DMD: variants seen among roughly 807,000 people sequenced by gnomAD.
The protein encoded by DMD is dystrophin, also known as mutant dystrophin.
DMD carries 63 observed loss-of-function variants against 330.1 expected under a neutral mutation model. That is an observed-to-expected ratio of 0.19 (90% CI 0.16 to 0.24). The LOEUF is 0.24. Among genes scored for constraint, DMD ranks in the 10% least tolerant of loss-of-function variants. The pLI is 1.00. For synonymous variants in DMD, 1,223 were observed against 959.8 expected, an observed-to-expected ratio of 1.27 and a Z score of -5.07; for missense variants, 3,344 against 2,684.1, an observed-to-expected ratio of 1.25 and a Z score of -5.43.
At chrX:31,290,466 T>C (rs1201173105) in intron 62 of DMD, among the ~76,000 whole-genome samples, 5 of 111,690 alleles carry the variant, frequency 4.5e-5, no homozygotes, top group African/African-American at 1.6e-4. Flanking sequence ...TGCAAATATT[T>C]TGATTGTTTA....
intron 1 of DMD, chrX:33,085,829 C>A (rs1569553494): frequency 9.0e-6 from 1 of 111,604 alleles, no homozygotes; most frequent in Non-Finnish European, 1.9e-5. Flanking sequence ...ATAGAAACAA[C>A]CATAAAACCC....
intron 1 of DMD, among the ~76,000 whole-genome samples, chrX:33,023,333 CG>C (rs979388180): frequency 1.8e-5 from 2 of 111,220 alleles, no homozygotes; most frequent in Non-Finnish European, 3.8e-5. Flanking sequence ...TAATTGTCTT[CG>C]AAAAAATTAT....
intron 9 of DMD, among the ~76,000 whole-genome samples, chrX:32,686,067 G>A (rs909310410): frequency 1.8e-5 from 2 of 111,645 alleles, no homozygotes; most frequent in African/African-American, 6.5e-5. Flanking sequence ...TTTAACACAT[G>A]TATGACATAA....
intron 1 of DMD, among the ~76,000 whole-genome samples, chrX:33,036,329 CAAG>C (rs886831656): frequency 2.7e-5 from 3 of 111,646 alleles, no homozygotes; most frequent in Non-Finnish European, 5.7e-5. Context: ...TTGCATTGCA[CAAG>C]TAGTTAGACA....
intron 4 of DMD, among the ~76,000 whole-genome samples, chrX:32,831,444 G>A (rs1408929856): frequency 9.0e-6 from 1 of 110,698 alleles, no homozygotes; most frequent in Admixed American, 9.7e-5. Flanking sequence ...TTTTTGATTT[G>A]CTTTACAGAA....
intron 44 of DMD, among the ~76,000 whole-genome samples, chrX:32,165,990 G>A (rs1020863998): frequency 1.8e-5 from 2 of 110,867 alleles, no homozygotes; most frequent in African/African-American, 6.6e-5. Context: ...AGTTTCCTGA[G>A]GCCTCCCCAG....
intron 9 of DMD, among the ~76,000 whole-genome samples, chrX:32,695,443 A>G (rs1009398212): frequency 1.8e-5 from 2 of 111,859 alleles, no homozygotes; most frequent in African/African-American, 6.5e-5. Context: ...TAAAAATATA[A>G]AATATTAATA....
At chrX:32,362,110 T>C (rs961207228) in intron 37 of DMD, among the ~76,000 whole-genome samples, 5 of 111,819 alleles carry the variant, frequency 4.5e-5, no homozygotes, top group Non-Finnish European at 9.4e-5. Context: ...TATTCCCTGG[T>C]TCTTCTTAAA....
At chrX:33,207,151 A>C (rs776334326) in intron 1 of DMD, among the ~76,000 whole-genome samples, 17 of 111,545 alleles carry the variant, frequency 1.5e-4, no homozygotes, top group African/African-American at 5.2e-4. Context: ...AATTGTGCTT[A>C]AGAAAATTTA....
At chrX:31,821,602 C>G (rs768025286) in intron 49 of DMD, among the ~76,000 whole-genome samples, 58 of 111,886 alleles carry the variant, frequency 5.2e-4, no homozygotes, top group African/African-American at 1.9e-3. Flanking sequence ...AAAACATACG[C>G]TGGGTTGTCA....
chrX:32,836,070 C>T (rs1291595126), intron 4 of DMD, among the ~76,000 whole-genome samples: 1 of 109,725 alleles, frequency 9.1e-6, no homozygotes, highest in African/African-American at 3.3e-5. Context: ...CTTGCTCGAT[C>T]CCCCAGACTA....
At chrX:31,493,801 A>G (rs2069551250) in intron 57 of DMD, among the ~76,000 whole-genome samples, 1 of 111,899 alleles carries the variant, frequency 8.9e-6, no homozygotes, top group South Asian at 3.7e-4. Context: ...TAGATGCAGA[A>G]AGGTTAGGAG....
chrX:32,624,355 G>A (rs968521246), intron 11 of DMD, among the ~76,000 whole-genome samples: 1 of 111,656 alleles, frequency 9.0e-6, no homozygotes, highest in Admixed American at 9.5e-5. Context: ...ATGATACTAG[G>A]AACTGCTACG....
chrX:32,232,855 T>C (rs970181147), intron 43 of DMD, among the ~76,000 whole-genome samples: 1 of 111,527 alleles, frequency 9.0e-6, no homozygotes, highest in Non-Finnish European at 1.9e-5. Flanking sequence ...GGCAAGTAAA[T>C]ATAGCTGCCG....
intron 44 of DMD, among the ~76,000 whole-genome samples, chrX:32,108,124 CG>C (rs1360939926): frequency 1.8e-5 from 2 of 111,232 alleles, no homozygotes; most frequent in African/African-American, 6.5e-5. Flanking sequence ...TAGTAACTCA[CG>C]GGGTGGTCCA....
chrX:31,447,921 C>T (rs752740055), intron 59 of DMD, among the ~76,000 whole-genome samples: 1 of 104,469 alleles, frequency 9.6e-6, no homozygotes, highest in East Asian at 3.1e-4. Context: ...GCATGAGAAG[C>T]GCTTGAACCT....
intron 1 of DMD, among the ~76,000 whole-genome samples, chrX:33,183,441 AAGAT>A (rs1335097376): frequency 1.3e-4 from 15 of 111,950 alleles, no homozygotes; most frequent in African/African-American, 4.2e-4. Flanking sequence ...GCTAAGGAAA[AAGAT>A]AGCCAGTCCC....
At chrX:31,271,291 G>C (rs1408297213) in intron 62 of DMD, among the ~76,000 whole-genome samples, 1 of 111,602 alleles carries the variant, frequency 9.0e-6, no homozygotes, top group Non-Finnish European at 1.9e-5. Context: ...TTGGACATCT[G>C]AGTCTTGAGC....
intron 47 of DMD, among the ~76,000 whole-genome samples, chrX:31,877,615 G>C (rs1044882914): frequency 9.0e-6 from 1 of 110,649 alleles, no homozygotes; most frequent in African/African-American, 3.3e-5. Context: ...CTCTTTGCTT[G>C]ATTTGTGTTT....
Sources: gnomAD v4.1 joint callset for allele counts (sites outside exome capture counted in the v4.1 genomes callset) on GRCh38, gnomAD v4.1.1 for gene constraint, MANE v1.5 for transcripts, NCBI Gene and HGNC (gene_info 2026-07-23, HGNC 2026-07-21) for gene names.